The following CNTN5 variants were observed in gnomAD, a reference collection of about 807,000 sequenced individuals.
CNTN5 encodes the protein contactin-5.
CNTN5 carries 77 observed loss-of-function variants against 129.1 expected under a neutral mutation model. The observed-to-expected ratio is 0.60, with a 90% CI of 0.50 to 0.72. CNTN5 has a LOEUF of 0.72. CNTN5 is among the 30% of genes least tolerant of loss of function. The probability of loss-of-function intolerance (pLI) is 0.00; values close to 1 mark genes in which losing one functional copy is unlikely to be tolerated. For synonymous variants in CNTN5, 509 were observed against 465.6 expected, an observed-to-expected ratio of 1.09 and a Z score of -1.20; for missense variants, 1,478 against 1,328.8, an observed-to-expected ratio of 1.11 and a Z score of -1.75.
chr11:99,121,138 T>TCTTTCTTTA (rs201431995), intron 1 of CNTN5, among the ~76,000 whole-genome samples: 1 of 146,816 alleles, frequency 6.8e-6, no homozygotes, highest in Non-Finnish European at 1.5e-5. Context: ...TTTCTTTCTT[T>TCTTTCTTTA]TTTTTTTTTT....
chr11:99,109,643 C>T (rs1020419965), intron 1 of CNTN5, among the ~76,000 whole-genome samples: 1 of 152,032 alleles, frequency 6.6e-6, no homozygotes, highest in Non-Finnish European at 1.5e-5. Context: ...ACGTTAGAAG[C>T]AGAGGTAATA....
At chr11:99,934,952 AC>A (rs1950281776) in intron 7 of CNTN5, among the ~76,000 whole-genome samples, 1 of 135,100 alleles carries the variant, frequency 7.4e-6, no homozygotes, top group Non-Finnish European at 1.6e-5. Flanking sequence ...ATATATACAC[AC>A]ACATATATAT....
chr11:100,287,864 T>C (rs1254221673), intron 18 of CNTN5, among the ~76,000 whole-genome samples: 6 of 151,952 alleles, frequency 3.9e-5, no homozygotes, highest in Non-Finnish European at 5.9e-5. Flanking sequence ...AGGAAACCCA[T>C]CTCACGTGCA....
intron 6 of CNTN5, among the ~76,000 whole-genome samples, chr11:99,915,196 TA>T (rs1255771412): frequency 6.6e-6 from 1 of 152,098 alleles, no homozygotes; most frequent in Non-Finnish European, 1.5e-5. Context: ...TAAAGTAGTC[TA>T]AAAGTTGTCT....
chr11:99,760,294 G>A (rs1237919127), intron 3 of CNTN5, among the ~76,000 whole-genome samples: 3 of 152,022 alleles, frequency 2.0e-5, no homozygotes, highest in East Asian at 1.9e-4. Context: ...TCACAATTAC[G>A]CTAATTCTGT....
chr11:99,333,476 A>G (rs1419121986), intron 2 of CNTN5, among the ~76,000 whole-genome samples: 2 of 152,038 alleles, frequency 1.3e-5, no homozygotes, highest in East Asian at 1.9e-4. Context: ...AACAATATCC[A>G]TATTTTATTG....
At chr11:99,989,658 G>A (rs1033812876) in intron 8 of CNTN5, among the ~76,000 whole-genome samples, 7 of 151,868 alleles carry the variant, frequency 4.6e-5, no homozygotes, top group African/African-American at 1.2e-4. Context: ...CATTTTATGC[G>A]TGGAAATTTA....
At chr11:99,390,760 A>G (rs1941218400) in intron 2 of CNTN5, among the ~76,000 whole-genome samples, 1 of 152,138 alleles carries the variant, frequency 6.6e-6, no homozygotes, top group Non-Finnish European at 1.5e-5. Context: ...ATGTTTCTGA[A>G]GTCATCTTTC....
chr11:99,282,133 GA>G (rs908767177), intron 1 of CNTN5, among the ~76,000 whole-genome samples: 1 of 151,794 alleles, frequency 6.6e-6, no homozygotes, highest in Non-Finnish European at 1.5e-5. Flanking sequence ...TTCACGATCT[GA>G]AAAAAATGTG....
intron 1 of CNTN5, among the ~76,000 whole-genome samples, chr11:99,307,756 C>T (rs1443044170): frequency 2.6e-5 from 4 of 152,040 alleles, no homozygotes; most frequent in Non-Finnish European, 4.4e-5. Context: ...AAGTTGGAGG[C>T]CAATTTTTTG....
rs1446273759 is a variant in CNTN5 at position 99,607,284 on chromosome 11, C to T, written c.55+51015C>T. Among the ~76,000 whole-genome samples, 236 of 77,638 alleles carry T rather than the reference C, an allele frequency of 3.0e-3. 1 individual carries two copies. Among genetic ancestry groups the T allele is most frequent in the Non-Finnish European group, 4.8e-3 (176 of 37,020 alleles). 50.9% of individuals were successfully genotyped at this position (77,638 alleles called of 152,430 possible). On this transcript the variant is annotated intron_variant, in intron 3 of 24. Transcript: ENST00000524871. Reference sequence around the variant, plus strand: ...ACAAACAACCCCATCAAAAAGTGGGCGAAGGACATGAACAGACACTTCTCA... The same window carrying T: ...ACAAACAACCCCATCAAAAAGTGGGTGAAGGACATGAACAGACACTTCTCA...
chr11:99,350,659 G>C (rs901463498), intron 2 of CNTN5, among the ~76,000 whole-genome samples: 1 of 152,052 alleles, frequency 6.6e-6, no homozygotes, highest in Non-Finnish European at 1.5e-5. Flanking sequence ...AACAGTATGA[G>C]TGATCTCAGA....
At chr11:100,046,779 GA>G (rs34989435) in intron 9 of CNTN5, among the ~76,000 whole-genome samples, 13 of 151,832 alleles carry the variant, frequency 8.6e-5, no homozygotes, top group East Asian at 3.9e-4. Flanking sequence ...TGTAGACTAT[GA>G]AAAAAAATGA....
intron 2 of CNTN5, among the ~76,000 whole-genome samples, chr11:99,487,072 G>T (rs1295629698): frequency 1.3e-5 from 2 of 152,170 alleles, no homozygotes; most frequent in Non-Finnish European, 2.9e-5. Flanking sequence ...CAAGTAAATA[G>T]ATGTTGGCAG....
chr11:99,941,571 A>AACACACACACAC (rs71305315), intron 7 of CNTN5, among the ~76,000 whole-genome samples: 10 of 148,270 alleles, frequency 6.7e-5, no homozygotes, highest in African/African-American at 1.8e-4. Context: ...ACATAAGACA[A>AACACACACACAC]ACACACACAC....
intron 1 of CNTN5, among the ~76,000 whole-genome samples, chr11:99,117,242 G>A (rs963129394): frequency 6.6e-5 from 10 of 152,076 alleles, no homozygotes; most frequent in East Asian, 3.9e-4. Flanking sequence ...ATAGGCAAAT[G>A]CATGAATCAC....
intron 2 of CNTN5, among the ~76,000 whole-genome samples, chr11:99,412,518 A>G (rs1013718818): frequency 1.3e-5 from 2 of 152,122 alleles, no homozygotes; most frequent in African/African-American, 4.8e-5. Context: ...CATCATCATC[A>G]TCGTCATCAT....
At chr11:100,013,846 C>G (rs911991386) in intron 9 of CNTN5, among the ~76,000 whole-genome samples, 78 of 152,280 alleles carry the variant, frequency 5.1e-4, no homozygotes, top group Middle Eastern at 3.4e-3. Context: ...AGATCTCATT[C>G]TATCTCATAT....
rs192636586 is a variant in CNTN5, at chr11:99,638,383, G to T, written c.55+82114G>T. Among the ~76,000 whole-genome samples, 52 of 152,092 alleles carry T rather than the reference G, an allele frequency of 3.4e-4. 1 individual carries two copies. The highest frequency in any genetic ancestry group is 3.4e-3 in the Middle Eastern group (1 of 294). ...GGACACAGCCAAACCATATCATTCT[G>T]CCCTGACCCCTCCAAACCTCATGTC... On this transcript the variant is annotated intron_variant, in intron 3 of 24. Coordinates refer to ENST00000524871, the MANE Select transcript of CNTN5 (RefSeq NM_014361.4).
Sources: gnomAD v4.1 joint callset for allele counts (sites outside exome capture counted in the v4.1 genomes callset) on GRCh38, gnomAD v4.1.1 for gene constraint, MANE v1.5 for transcripts, NCBI Gene and HGNC (gene_info 2026-07-23, HGNC 2026-07-21) for gene names.